Variants in ANTXR1 observed in about 807,000 individuals in gnomAD.
ANTXR1 encodes the protein ANTXR cell adhesion molecule 1, also known as anthrax toxin receptor 1.
A neutral mutation model predicts 78.1 loss-of-function variants in ANTXR1; 19 were observed. The ratio of observed to expected loss-of-function variants is 0.24; its 90% CI spans 0.17 to 0.36. The LOEUF is 0.36. Ranked by LOEUF, ANTXR1 falls within the 10% of genes least tolerant of loss-of-function variation. ANTXR1 has a pLI of 1.00. For missense variants in ANTXR1, 518 were observed against 718.6 expected, an observed-to-expected ratio of 0.72 and a Z score of 3.19; for synonymous variants, 273 against 260.5, an observed-to-expected ratio of 1.05 and a Z score of -0.46.
Position 69,197,373 on chromosome 2 carries a change from G to A in ANTXR1, c.1434+3958G>A, listed in dbSNP as rs527522523. ...ACTGTGGGAAAACCCAGAATCCTTA[G>A]CTTGATTTAGAAAGGCAAGCCTTTC... On this transcript the variant is annotated intron_variant, in intron 17 of 17. Transcript: ENST00000303714. Among the ~76,000 whole-genome samples, 7 of 152,230 alleles carry A rather than the reference G, an allele frequency of 4.6e-5. No homozygotes were observed. The East Asian group carries it at 1.4e-3, about 29-fold the overall frequency.
At chr2:69,224,264 C>G (rs1675389333) in intron 17 of ANTXR1, among the ~76,000 whole-genome samples, 1 of 152,196 alleles carries the variant, frequency 6.6e-6, no homozygotes, top group African/African-American at 2.4e-5. Context: ...TTCAGAGACT[C>G]AAACCAGAAG....
intron 3 of ANTXR1, among the ~76,000 whole-genome samples, chr2:69,053,161 G>A (rs1669973094): frequency 6.6e-6 from 1 of 152,132 alleles, no homozygotes; most frequent in African/African-American, 2.4e-5. Flanking sequence ...CTTTTTCTGA[G>A]TATAGTGACT....
chr2:69,015,272 C>CAAAA (rs10536364), intron 1 of ANTXR1, among the ~76,000 whole-genome samples: 1,946 of 91,742 alleles, frequency 0.021, 48 homozygotes, highest in African/African-American at 0.053. Flanking sequence ...CTTATCTTAG[C>CAAAA]AAAAAAAAAA....
chr2:69,170,676 G>A (rs1558618931), intron 14 of ANTXR1, among the ~76,000 whole-genome samples: 1 of 133,952 alleles, frequency 7.5e-6, no homozygotes, highest in Non-Finnish European at 1.7e-5. Flanking sequence ...ATCAGGCACA[G>A]TTTGCTACAT....
intron 17 of ANTXR1, among the ~76,000 whole-genome samples, chr2:69,242,568 C>T (rs1191887768): frequency 6.6e-6 from 1 of 152,210 alleles, no homozygotes; most frequent in African/African-American, 2.4e-5. Flanking sequence ...TGGTGGCCAG[C>T]TCTAGAAGAC....
chr2:69,062,064 A>C (rs538671008), intron 3 of ANTXR1, among the ~76,000 whole-genome samples: 1 of 152,356 alleles, frequency 6.6e-6, no homozygotes, highest in Admixed American at 6.5e-5. Flanking sequence ...AAGGTTCTGC[A>C]GAAGCTTCCA....
intron 17 of ANTXR1, among the ~76,000 whole-genome samples, chr2:69,197,862 CT>C (rs1022688078): frequency 6.6e-6 from 1 of 152,176 alleles, no homozygotes; most frequent in Non-Finnish European, 1.5e-5. Context: ...GTCATGAGAG[CT>C]TTTTAACTTA....
chr2:69,140,100 C>T (rs1673028332), intron 12 of ANTXR1, among the ~76,000 whole-genome samples: 2 of 152,278 alleles, frequency 1.3e-5, no homozygotes, highest in South Asian at 2.1e-4. Context: ...CTTTAATCAC[C>T]TTCACCATCG....
intron 1 of ANTXR1, among the ~76,000 whole-genome samples, chr2:69,022,756 G>A (rs957647219): frequency 1.9e-4 from 29 of 152,178 alleles, no homozygotes; most frequent in African/African-American, 6.8e-4. Context: ...CATAATGATG[G>A]CTCATGGTTA....
intron 9 of ANTXR1, among the ~76,000 whole-genome samples, chr2:69,102,148 CTT>C (rs1204627059): frequency 2.6e-5 from 4 of 152,218 alleles, no homozygotes; most frequent in African/African-American, 7.2e-5. Context: ...CTAAGAAAGA[CTT>C]TGATTCATTC....
chr2:69,075,233 C>T (rs921022126), intron 6 of ANTXR1, among the ~76,000 whole-genome samples: 20 of 152,132 alleles, frequency 1.3e-4, no homozygotes, highest in Admixed American at 2.0e-4. Flanking sequence ...TGTGATATCA[C>T]GCCCCCATTA....
At chr2:69,183,724 C>G (rs1674343535) in intron 16 of ANTXR1, among the ~76,000 whole-genome samples, 2 of 151,920 alleles carry the variant, frequency 1.3e-5, no homozygotes, top group African/African-American at 4.8e-5. Context: ...CTGAAGGCCT[C>G]TTTTCTATTC....
At chr2:69,111,460 G>C (rs1281200758) in intron 10 of ANTXR1, among the ~76,000 whole-genome samples, 1 of 152,104 alleles carries the variant, frequency 6.6e-6, no homozygotes, top group Non-Finnish European at 1.5e-5. Flanking sequence ...AGATGCATGA[G>C]GTATGACTAT....
chr2:69,057,058 A>ATT (rs144192548), intron 3 of ANTXR1, among the ~76,000 whole-genome samples: 14 of 151,822 alleles, frequency 9.2e-5, no homozygotes, highest in African/African-American at 3.4e-4. Flanking sequence ...TGTTTTTGAG[A>ATT]TTTTTTTTGT....
chr2:69,227,074 A>C (rs1675474796), intron 17 of ANTXR1, among the ~76,000 whole-genome samples: 2 of 152,180 alleles, frequency 1.3e-5, no homozygotes, highest in Admixed American at 1.3e-4. Context: ...TGCAATTAGG[A>C]AGAGTACTGG....
intron 12 of ANTXR1, chr2:69,146,000 G>A (rs1441061081): frequency 1.0e-6 from 1 of 985,358 alleles, no homozygotes; most frequent in East Asian, 1.1e-4. Context: ...TTTGTGAGTT[G>A]GGAGCAGAGG....
At chr2:69,023,883 C>G (rs1006151786) in intron 1 of ANTXR1, among the ~76,000 whole-genome samples, 3 of 152,050 alleles carry the variant, frequency 2.0e-5, no homozygotes, top group Admixed American at 2.0e-4. Context: ...AAGAAAAAGG[C>G]AACATTTAGG....
At chr2:69,159,235 A>T (rs1166528941) in intron 13 of ANTXR1, among the ~76,000 whole-genome samples, 3 of 152,318 alleles carry the variant, frequency 2.0e-5, no homozygotes, top group South Asian at 2.1e-4. Flanking sequence ...TTAATGGTAT[A>T]TGAGAAACCC....
chr2:69,195,232 A>G (rs1674643894), intron 17 of ANTXR1, among the ~76,000 whole-genome samples: 2 of 152,104 alleles, frequency 1.3e-5, no homozygotes, highest in South Asian at 4.1e-4. Flanking sequence ...CCTTATGGTC[A>G]TTTACTCTGT....
Sources: gnomAD v4.1 joint callset for allele counts (sites outside exome capture counted in the v4.1 genomes callset) on GRCh38, gnomAD v4.1.1 for gene constraint, MANE v1.5 for transcripts, NCBI Gene and HGNC (gene_info 2026-07-23, HGNC 2026-07-21) for gene names.